ULK4: variants seen among roughly 807,000 people sequenced by gnomAD.
The protein encoded by ULK4 is inactive serine/threonine-protein kinase ULK4.
ULK4 carries 133 observed loss-of-function variants against 160.6 expected under a neutral mutation model. That is an observed-to-expected ratio of 0.83 (90% CI 0.72 to 0.96). The LOEUF (loss-of-function observed/expected upper bound fraction) is 0.96, where lower values mean the gene tolerates loss of function less well. Among genes scored for constraint, ULK4 ranks in the 40% least tolerant of loss-of-function variants. ULK4 has a pLI of 0.00. For synonymous variants in ULK4, 534 were observed against 539.8 expected (o/e 0.99, Z 0.15); for missense variants, 1,580 against 1,499.5 (o/e 1.05, Z -0.89).
chr3:41,389,940 A>C (rs1039696781), intron 35 of ULK4, among the ~76,000 whole-genome samples: 16 of 152,182 alleles, frequency 1.1e-4, no homozygotes, highest in African/African-American at 3.9e-4. Flanking sequence ...TAGTTTCAGA[A>C]GGAATGGTAC....
intron 35 of ULK4, among the ~76,000 whole-genome samples, chr3:41,289,975 AAG>A (rs1232924335): frequency 2.0e-5 from 3 of 152,118 alleles, no homozygotes; most frequent in Admixed American, 6.5e-5. Context: ...TCCTGGGTTC[AAG>A]AGATTCTCCT....
chr3:41,781,489 T>G (rs1040684972), intron 21 of ULK4, among the ~76,000 whole-genome samples: 10 of 152,198 alleles, frequency 6.6e-5, no homozygotes, highest in African/African-American at 2.4e-4. Flanking sequence ...TTTTTGGTCT[T>G]TAATGACTTT....
At chr3:41,486,512 G>A (rs994557768) in intron 32 of ULK4, among the ~76,000 whole-genome samples, 2 of 152,186 alleles carry the variant, frequency 1.3e-5, no homozygotes, top group Non-Finnish European at 2.9e-5. Context: ...GTTTTATCAC[G>A]AAAAGACTGA....
chr3:41,804,934 T>C (rs955373434), intron 19 of ULK4, among the ~76,000 whole-genome samples: 5 of 152,134 alleles, frequency 3.3e-5, no homozygotes, highest in African/African-American at 1.2e-4. Context: ...CCAGCTTTGT[T>C]CTTTTGGCTT....
intron 31 of ULK4, among the ~76,000 whole-genome samples, chr3:41,593,259 A>G (rs2031473253): frequency 6.6e-6 from 1 of 152,238 alleles, no homozygotes; most frequent in South Asian, 2.1e-4. Context: ...ATGCAAAGTG[A>G]CAAATCACTG....
Position 41,321,081 on chromosome 3 carries a change from C to T in ULK4, c.3679-71507G>A, listed in dbSNP as rs571915939. 4.0e-5 allele frequency among the ~76,000 whole-genome samples: 6 copies of T among 151,518 alleles called. No homozygotes were observed. In the East Asian group the frequency reaches 1.2e-3, roughly 29 times the overall value. ...CAGGCCTCTCTGGTTCTTACTTTTT[C>T]CCTTTATAATGCAACGAACTTGCAC... On this transcript the variant is annotated intron_variant, in intron 35 of 36. Transcript: ENST00000301831.
chr3:41,627,356 C>A (rs1357951350), intron 30 of ULK4, among the ~76,000 whole-genome samples: 1 of 152,092 alleles, frequency 6.6e-6, no homozygotes, highest in Non-Finnish European at 1.5e-5. Flanking sequence ...CATGGAGCTG[C>A]CCCATCTTAG....
At position 41,876,516 on chromosome 3, in the gene ULK4, C is replaced by A. The variant is rs115708472; in HGVS notation, c.1656+7358G>T. 7.9e-3 allele frequency among the ~76,000 whole-genome samples: 1,206 copies of A among 152,224 alleles called. 10 individuals carry two copies. Among genetic ancestry groups the A allele is most frequent in the Middle Eastern group, 0.027 (8 of 294 alleles). On this transcript the variant is annotated intron_variant, in intron 17 of 36. Transcript: ENST00000301831. ...TACTGGAAAACAGTTTAGATTACCC[C>A]CTAAAGTTGAACACACACATATCCT... is the stretch of plus-strand genomic sequence containing the variant.
chr3:41,338,235 T>G (rs1224163279), intron 35 of ULK4, among the ~76,000 whole-genome samples: 1 of 152,202 alleles, frequency 6.6e-6, no homozygotes, highest in Non-Finnish European at 1.5e-5. Context: ...CAGCTTCCTG[T>G]TCCCCTCCTT....
intron 35 of ULK4, among the ~76,000 whole-genome samples, chr3:41,298,505 T>C (rs1191099932): frequency 1.3e-5 from 2 of 152,198 alleles, no homozygotes; most frequent in African/African-American, 2.4e-5. Flanking sequence ...AATCTTCCTA[T>C]TGTTTTTTCT....
intron 30 of ULK4, among the ~76,000 whole-genome samples, chr3:41,656,753 G>T (rs2034949169): frequency 2.0e-5 from 3 of 152,078 alleles, no homozygotes; most frequent in Non-Finnish European, 4.4e-5. Flanking sequence ...TATGAATCTT[G>T]TCATAAAACA....
chr3:41,345,972 T>C (rs1009638829), intron 35 of ULK4, among the ~76,000 whole-genome samples: 1 of 151,260 alleles, frequency 6.6e-6, no homozygotes, highest in Non-Finnish European at 1.5e-5. Context: ...CTGTTCTAGG[T>C]AGAGGGAAGA....
rs35468475 is a variant in ULK4, at chr3:41,818,113, C to CAA, written c.1848+1308_1848+1309dup. On this transcript the variant is annotated intron_variant, in intron 19 of 36. Coordinates refer to ENST00000301831, the MANE Select transcript of ULK4 (RefSeq NM_017886.4). ...TATAGAAAACAGTAAGGAGTTTCCT[C>CAA]AAAAAAAAAAAAAAAAAACTAACTA... 9.1e-3 allele frequency among the ~76,000 whole-genome samples: 903 copies of CAA among 99,136 alleles called. 8 individuals carry two copies. The highest frequency in any genetic ancestry group is 0.026 in the African/African-American group (829 of 31,804). 65.0% of individuals were successfully genotyped at this position (99,136 alleles called of 152,430 possible).
chr3:41,530,621 A>G (rs1166039176), intron 32 of ULK4, among the ~76,000 whole-genome samples: 3 of 152,184 alleles, frequency 2.0e-5, no homozygotes, highest in African/African-American at 7.2e-5. Context: ...CTGCCAACCT[A>G]CAGACAAGAG....
At chr3:41,849,632 G>T (rs757610313) in intron 17 of ULK4, among the ~76,000 whole-genome samples, 11 of 152,168 alleles carry the variant, frequency 7.2e-5, no homozygotes, top group Non-Finnish European at 1.5e-4. Context: ...AAAGCATAAT[G>T]TAAACTACAG....
At chr3:41,865,061 C>T (rs144039128) in intron 17 of ULK4, among the ~76,000 whole-genome samples, 1 of 151,900 alleles carries the variant, frequency 6.6e-6, no homozygotes, top group African/African-American at 2.4e-5. Flanking sequence ...CACTTGAGGT[C>T]AGGAGTTCAA....
At chr3:41,305,963 G>A (rs1214334370) in intron 35 of ULK4, among the ~76,000 whole-genome samples, 2 of 147,830 alleles carry the variant, frequency 1.4e-5, no homozygotes, top group African/African-American at 5.2e-5. Flanking sequence ...CGTCTGAGAA[G>A]TGAGGAGACC....
At chr3:41,333,518 CTTTCTT>C (rs796467591) in intron 35 of ULK4, among the ~76,000 whole-genome samples, 4 of 152,286 alleles carry the variant, frequency 2.6e-5, no homozygotes, top group African/African-American at 9.6e-5. Context: ...CAGCATTACT[CTTTCTT>C]TGTCTTGGTG....
At chr3:41,427,629 T>C (rs1454244827) in intron 34 of ULK4, among the ~76,000 whole-genome samples, 2 of 152,154 alleles carry the variant, frequency 1.3e-5, no homozygotes, top group East Asian at 1.9e-4. Context: ...TGTAAGTCAA[T>C]AAACATAATT....
Sources: allele counts gnomAD v4.1 joint callset (sites outside exome capture counted in the v4.1 genomes callset), GRCh38; gene constraint gnomAD v4.1.1; transcripts MANE v1.5; gene names NCBI Gene and HGNC (gene_info 2026-07-23, HGNC 2026-07-21).